Variants in IDE observed in about 807,000 individuals in gnomAD.
IDE encodes insulin-degrading enzyme.
Under a neutral mutation model 133.2 loss-of-function variants are expected in IDE, and 58 were observed. The ratio of observed to expected loss-of-function variants is 0.44; its 90% CI spans 0.35 to 0.54. The LOEUF (loss-of-function observed/expected upper bound fraction) is 0.54, where lower values mean the gene tolerates loss of function less well. Ranked by LOEUF, IDE falls within the 20% of genes least tolerant of loss-of-function variation. The pLI, the probability that IDE is intolerant of heterozygous loss-of-function variation, is 0.00. For missense variants in IDE, 981 were observed against 1,234.0 expected (o/e 0.79, Z 3.07); for synonymous variants, 396 against 421.3 (o/e 0.94, Z 0.73).
Position 92,490,541 on chromosome 10 carries a change from C to A in IDE, c.1485G>T (p.Trp495Cys), listed in dbSNP as rs760900879. 8 of 1,613,298 alleles carry A rather than the reference C, an allele frequency of 5.0e-6. No homozygotes were observed. The highest frequency in any genetic ancestry group is 1.1e-5 in the South Asian group (1 of 91,052). Reference sequence around the variant, plus strand: ...CTTCTTGTTTGTACTGGGTTCCATACCACTCTTCTGTGCGATCAGTTTTTC... The same window carrying A: ...CTTCTTGTTTGTACTGGGTTCCATAACACTCTTCTGTGCGATCAGTTTTTC... The part of the protein sequence containing the change: ...FEGKTDRTEE[W>C]YGTQYKQEAI... Residue 495 changes from tryptophan to cysteine, a missense_variant, in exon 12 of 25, where the codon TGG becomes TGT. This residue lies in a region of IDE where 660 missense variants were observed against 894.7 expected (regional missense o/e 0.74). Transcript: ENST00000265986.
At chr10:92,515,286 G>C (rs1364926122) in intron 4 of IDE, among the ~76,000 whole-genome samples, 1 of 147,356 alleles carries the variant, frequency 6.8e-6, no homozygotes, top group African/African-American at 2.5e-5. Flanking sequence ...TTGAGACGGA[G>C]TCTTGCTCTG....
intron 2 of IDE, among the ~76,000 whole-genome samples, chr10:92,537,067 T>C (rs1174987713): frequency 6.6e-6 from 1 of 151,506 alleles, no homozygotes. Flanking sequence ...AAAAGGAATG[T>C]TATATTAAAT....
chr10:92,573,917 C>T lies in IDE; in HGVS notation c.98+5G>A. ...CCGAGGGCCCGGGCGCTCCATTCCG[C>T]TTACCCACACAGGCGCTCCGGAGGC... On this transcript the variant is annotated splice_donor_5th_base_variant and intron_variant, in intron 1 of 24. Transcript: ENST00000265986. 1 of 1,460,362 alleles carries T rather than the reference C, an allele frequency of 6.8e-7. No individual in the cohort carries two copies. Among genetic ancestry groups the T allele is most frequent in the Non-Finnish European group, 9.0e-7 (1 of 1,112,078 alleles). 90.5% of individuals were successfully genotyped at this position (1,460,362 alleles called of 1,614,324 possible). A position where few individuals can be genotyped will look rare whatever the true frequency, so the allele number is the denominator to read the frequency against.
At chr10:92,557,279 G>A (rs1843056897) in intron 1 of IDE, among the ~76,000 whole-genome samples, 1 of 152,168 alleles carries the variant, frequency 6.6e-6, no homozygotes, top group Non-Finnish European at 1.5e-5. Context: ...GCTCACACCT[G>A]TAATCCCAGC....
At position 92,574,013 on chromosome 10, in the gene IDE, A is replaced by G; in HGVS notation, c.7T>C (p.Tyr3His). The G allele has an allele frequency of 6.6e-7, 1 of 1,513,148 alleles. No homozygotes were observed. The highest frequency in any genetic ancestry group is 8.8e-7 in the Non-Finnish European group (1 of 1,132,872). 93.7% of individuals were successfully genotyped at this position (1,513,148 alleles called of 1,614,324 possible). MR[Y>H]RLAWLLHPAL... The stretch of plus-strand genomic sequence containing the variant: ...GGGTGCAGAAGCCACGCTAGCCGGT[A>G]CCGCATTAGCCAGCGCAGTCGCCGG... The change falls in exon 1 of 25, where the codon TAC (tyrosine) becomes CAC (histidine). Residue 3 changes from tyrosine (Y) to histidine (H), a missense_variant. This residue lies in a region of IDE where 321 missense variants were observed against 339.3 expected (regional missense o/e 0.95). Transcript: ENST00000265986.
chr10:92,519,138 A>C (rs1452697428), intron 4 of IDE, among the ~76,000 whole-genome samples: 1 of 152,206 alleles, frequency 6.6e-6, no homozygotes, highest in Non-Finnish European at 1.5e-5. Context: ...AATTGTAGGA[A>C]GGACTCTTGG....
intron 4 of IDE, among the ~76,000 whole-genome samples, chr10:92,529,251 G>C (rs1195226015): frequency 2.0e-5 from 3 of 152,116 alleles, no homozygotes; most frequent in African/African-American, 4.8e-5. Context: ...TAATATCTGA[G>C]ATAAGGGCAT....
intron 20 of IDE, among the ~76,000 whole-genome samples, chr10:92,464,702 G>A (rs1266394006): frequency 1.3e-5 from 2 of 152,104 alleles, no homozygotes; most frequent in African/African-American, 2.4e-5. Context: ...ATGGAGTCTC[G>A]CTCTGTCACC....
chr10:92,479,006 C>T, intron 15 of IDE, among the ~76,000 whole-genome samples: 1 of 151,996 alleles, frequency 6.6e-6, no homozygotes, highest in East Asian at 1.9e-4. Context: ...AAACCTAAAT[C>T]AGGGTCCAAT....
chr10:92,508,322 G>A (rs1230759647), intron 7 of IDE, 117 bp from the exon 8 acceptor site: 28 of 789,214 alleles, frequency 3.5e-5, no homozygotes, highest in South Asian at 3.4e-5. Flanking sequence ...AACCTCTTGC[G>A]AAAAGATTGG....
chr10:92,560,541 G>A (rs372478292), intron 1 of IDE, among the ~76,000 whole-genome samples: 16 of 152,156 alleles, frequency 1.1e-4, no homozygotes, highest in African/African-American at 1.9e-4. Flanking sequence ...CCAGCACTTC[G>A]GGAGGCCCTA....
At chr10:92,528,593 G>A (rs1214336722) in intron 4 of IDE, among the ~76,000 whole-genome samples, 1 of 152,098 alleles carries the variant, frequency 6.6e-6, no homozygotes, top group Non-Finnish European at 1.5e-5. Flanking sequence ...AATAAAATGT[G>A]CTTCTTACTA....
At chr10:92,514,520 C>A (rs528008764) in intron 5 of IDE, among the ~76,000 whole-genome samples, 3 of 151,998 alleles carry the variant, frequency 2.0e-5, no homozygotes, top group Non-Finnish European at 2.9e-5. Flanking sequence ...CCTTTAACTG[C>A]AGCCTTTAAC....
intron 1 of IDE, among the ~76,000 whole-genome samples, chr10:92,573,420 G>A (rs1031038451): frequency 6.6e-6 from 1 of 152,198 alleles, no homozygotes; most frequent in African/African-American, 2.4e-5. Flanking sequence ...TTTTCCCAGC[G>A]CGGGCATTCC....
rs988539757 is a variant in IDE at position 92,452,984 on chromosome 10, C to T, written c.*1460G>A. 14 of 152,146 alleles carry T rather than the reference C, an allele frequency of 9.2e-5. No individual in the cohort carries two copies. The highest frequency in any genetic ancestry group is 7.2e-4 in the Admixed American group (11 of 15,270). 9.4% of individuals were successfully genotyped at this position (152,146 alleles called of 1,614,324 possible). On this transcript the variant is annotated 3_prime_UTR_variant, in exon 25 of 25. Transcript: ENST00000265986. ...AGCAGCCCCATAGTTGTGACTATAT[C>T]GTTCTTGCCCAAAATTGAGATTTGG... is the stretch of plus-strand genomic sequence containing the variant.
intron 13 of IDE, among the ~76,000 whole-genome samples, chr10:92,484,628 G>T (rs1846855560): frequency 6.6e-6 from 1 of 151,940 alleles, no homozygotes; most frequent in Non-Finnish European, 1.5e-5. Context: ...AGTTACTTAG[G>T]AGGCTGAGGC....
In IDE at chr10:92,454,502, C is replaced by T; in HGVS notation, c.3002G>A (p.Gly1001Asp). ...VIQNMTEFKR[G>D]LPLFPLVKPH... ...TTTCACAAGGGGAAACAGTGGCAGA[C>T]CACGCTTGAATTCGGTCATGTTCTG... The change falls in exon 25 of 25, where the codon GGT (glycine) becomes GAT (aspartate). Residue 1001 changes from glycine (G) to aspartate (D), a missense_variant. Coordinates refer to ENST00000265986, the MANE Select transcript of IDE (RefSeq NM_004969.4). 1 of 1,614,004 alleles carries T rather than the reference C, an allele frequency of 6.2e-7. No individual in the cohort carries two copies. Among genetic ancestry groups the T allele is most frequent in the Non-Finnish European group, 8.5e-7 (1 of 1,179,868 alleles).
At chr10:92,532,209 A>G (rs890105977) in intron 3 of IDE, among the ~76,000 whole-genome samples, 2 of 151,500 alleles carry the variant, frequency 1.3e-5, no homozygotes, top group Non-Finnish European at 2.9e-5. Flanking sequence ...ATAGCAGTCT[A>G]TTTAAGATTT....
At chr10:92,511,756 G>A (rs1848644145) in intron 5 of IDE, among the ~76,000 whole-genome samples, 1 of 152,152 alleles carries the variant, frequency 6.6e-6, no homozygotes, top group African/African-American at 2.4e-5. Flanking sequence ...CAGATCAGTG[G>A]CTGCCTATTA....
Sources: gnomAD v4.1 joint callset for allele counts (sites outside exome capture counted in the v4.1 genomes callset) on GRCh38, gnomAD v4.1.1 for gene constraint, gnomAD v4.1.1 regional missense constraint, MANE v1.5 for transcripts, NCBI Gene and HGNC (gene_info 2026-07-23, HGNC 2026-07-21) for gene names.